TRDMT1: variants seen among roughly 807,000 people sequenced by gnomAD.
TRDMT1 encodes the protein tRNA (cytosine(38)-C(5))-methyltransferase.
TRDMT1 carries 49 observed loss-of-function variants against 51.2 expected under a neutral mutation model. The ratio of observed to expected loss-of-function variants is 0.96; its 90% CI spans 0.76 to 1.21. TRDMT1 has a LOEUF of 1.21. TRDMT1 is among the 50% of genes most tolerant of loss of function. The pLI, the probability that TRDMT1 is intolerant of heterozygous loss-of-function variation, is 0.00. For synonymous variants in TRDMT1, 187 were observed against 164.6 expected (o/e 1.14, Z -1.04); for missense variants, 534 against 462.3 (o/e 1.16, Z -1.42).
intron 6 of TRDMT1, among the ~76,000 whole-genome samples, chr10:17,159,776 C>T (rs1359921432): frequency 6.6e-6 from 1 of 152,040 alleles, no homozygotes; most frequent in Non-Finnish European, 1.5e-5. Context: ...AAGAAACTAA[C>T]AAGAACAATA....
rs778779476 is a variant in TRDMT1, at chr10:17,162,243, G to C, written c.252-6C>G. The C allele has an allele frequency of 1.4e-6, 2 of 1,447,066 alleles. No individual in the cohort carries two copies. The highest frequency in any genetic ancestry group is 2.1e-5 in the African/African-American group (1 of 47,104). 89.6% of individuals were successfully genotyped at this position (1,447,066 alleles called of 1,614,324 possible). On this transcript the variant is annotated splice_region_variant and splice_polypyrimidine_tract_variant and intron_variant, in intron 3 of 10. Coordinates refer to ENST00000377799, the MANE Select transcript of TRDMT1 (RefSeq NM_004412.7). ...TATCACCCTGCCGGCCAATCCTAAA[G>C]GGGTAAAAAAAAAAAAAAACAAAAA...
chr10:17,160,327 T>C lies in TRDMT1; in HGVS notation c.437A>G (p.Glu146Gly), dbSNP rs1733169401. The C allele has an allele frequency of 1.9e-6, 3 of 1,570,460 alleles. No individual in the cohort carries two copies. The highest frequency in any genetic ancestry group is 1.8e-5 in the Admixed American group (1 of 54,438). The change falls in exon 6 of 11, where the codon GAG becomes GGG. Residue 146 changes from glutamate (E) to glycine (G), a missense_variant. Glu to Gly is a moderately conservative substitution (Grantham distance 98). Coordinates refer to ENST00000377799, the MANE Select transcript of TRDMT1 (RefSeq NM_004412.7). ...TACAGAGGTTGGAGATAATAGAAAC[T>C]CTTGGTACTGAAAGCCACAATTTTC... The part of the protein sequence containing the change: ...TIENCGFQYQ[E>G]FLLSPTSLGI...
chr10:17,199,394 G>A (rs1845860473), intron 1 of TRDMT1, among the ~76,000 whole-genome samples: 1 of 152,270 alleles, frequency 6.6e-6, no homozygotes. Flanking sequence ...AAAAGTCTGG[G>A]GTTAGGGAGC....
intron 8 of TRDMT1, 57 bp downstream of exon 8, chr10:17,157,384 T>C (rs1839669752): frequency 4.9e-6 from 7 of 1,427,710 alleles, no homozygotes; most frequent in Non-Finnish European, 5.6e-6. Flanking sequence ...AAAGAAACAA[T>C]AGCTTTAAAA....
chr10:17,145,943 A>G lies in TRDMT1; in HGVS notation c.*3097T>C. The G allele has an allele frequency of 2.0e-6, 2 of 985,290 alleles. No homozygotes were observed. The allele number at this position is 985,290 out of a possible 1,614,324, so 61.0% of individuals were successfully genotyped here. ...CTCCTCAGAAGTCTCCAGCTTAATCACTCTAGACCTCAACTAGGTTGAGAT... is the reference window on the plus strand; with the variant it reads ...CTCCTCAGAAGTCTCCAGCTTAATCGCTCTAGACCTCAACTAGGTTGAGAT... On this transcript the variant is annotated 3_prime_UTR_variant, in exon 11 of 11. Coordinates refer to ENST00000377799, the MANE Select transcript of TRDMT1 (RefSeq NM_004412.7).
At position 17,140,037 on chromosome 10, in the gene TRDMT1, C is replaced by CCTTTT. The variant is rs1554823088; in HGVS notation, c.*9002_*9003insAAAAG. Among the ~76,000 whole-genome samples, 2 of 21,914 alleles carry CCTTTT rather than the reference C, an allele frequency of 9.1e-5. No individual in the cohort carries two copies. Among genetic ancestry groups the CCTTTT allele is most frequent in the Non-Finnish European group, 1.7e-4 (2 of 11,716 alleles). The allele number at this position is 21,914 out of a possible 152,430, so 14.4% of individuals were successfully genotyped here. A position where few individuals can be genotyped will look rare whatever the true frequency, so the allele number is the denominator to read the frequency against. Reference sequence around the variant, plus strand: ...TATTCTTCCAGTAACATCTAGTGTGCTTTTTTTTTTTTTTTTTTTTTTTTT... The same window carrying CCTTTT: ...TATTCTTCCAGTAACATCTAGTGTGCCTTTTTTTTTTTTTTTTTTTTTTTTTTTTT... On this transcript the variant is annotated 3_prime_UTR_variant, in exon 11 of 11. Coordinates refer to ENST00000377799, the MANE Select transcript of TRDMT1 (RefSeq NM_004412.7).
rs751307218 is a variant in TRDMT1 at position 17,153,639 on chromosome 10, G to C, written c.946-3C>G. Reference sequence around the variant, plus strand: ...AGGGATTTGTAGATATTCTCAACCTGTAAGAAAATACCCAAGATAACTAAA... The same window carrying C: ...AGGGATTTGTAGATATTCTCAACCTCTAAGAAAATACCCAAGATAACTAAA... On this transcript the variant is annotated splice_region_variant and splice_polypyrimidine_tract_variant and intron_variant, in intron 9 of 10. Coordinates refer to ENST00000377799, the MANE Select transcript of TRDMT1 (RefSeq NM_004412.7). The C allele has an allele frequency of 1.9e-6, 3 of 1,565,156 alleles. No individual in the cohort carries two copies. The South Asian group carries it at 3.6e-5, about 19-fold the overall frequency.
At chr10:17,181,006 T>C (rs1843217916) in intron 1 of TRDMT1, among the ~76,000 whole-genome samples, 1 of 152,214 alleles carries the variant, frequency 6.6e-6, no homozygotes, top group Non-Finnish European at 1.5e-5. Flanking sequence ...AGTTATACTA[T>C]CTCTACAAAA....
At chr10:17,186,049 TAATAAATAAATA>T (rs10688504) in intron 1 of TRDMT1, among the ~76,000 whole-genome samples, 200 of 143,076 alleles carry the variant, frequency 1.4e-3, no homozygotes, top group African/African-American at 4.6e-3. Flanking sequence ...ACTTACAGTA[TAATAAATAAATA>T]AATAAATAAA....
At chr10:17,177,713 AACACACACACAC>A (rs372220525) in intron 1 of TRDMT1, among the ~76,000 whole-genome samples, 42 of 147,032 alleles carry the variant, frequency 2.9e-4, no homozygotes, top group Non-Finnish European at 4.9e-4. Context: ...ATAGACAAGA[AACACACACACAC>A]ACACACACAC....
intron 1 of TRDMT1, among the ~76,000 whole-genome samples, chr10:17,188,447 T>C (rs557799536): frequency 1.6e-4 from 12 of 72,980 alleles, no homozygotes; most frequent in Non-Finnish European, 3.3e-4. Flanking sequence ...GACATATTTA[T>C]TGAGCATGAC....
intron 6 of TRDMT1, 107 bp downstream of exon 6, chr10:17,160,198 T>G (rs1840118007): frequency 1.5e-6 from 1 of 658,090 alleles, no homozygotes. Flanking sequence ...AGTTTACCTA[T>G]AATATTATCC....
At chr10:17,165,912 C>T (rs1348838288) in intron 3 of TRDMT1, among the ~76,000 whole-genome samples, 8 of 152,182 alleles carry the variant, frequency 5.3e-5, no homozygotes, top group Non-Finnish European at 7.3e-5. Context: ...AACACTTTTA[C>T]ACTGTTGGTG....
rs543785155 is a variant in TRDMT1 at position 17,192,278 on chromosome 10, G to A, written c.64+9293C>T. On this transcript the variant is annotated intron_variant, in intron 1 of 10. Transcript: ENST00000377799. Reference sequence around the variant, plus strand: ...GAACAAAGCCACCTGTTATTGGGGTGAGGCAGGTTACAAGAGTGGCAAGTT... The same window carrying A: ...GAACAAAGCCACCTGTTATTGGGGTAAGGCAGGTTACAAGAGTGGCAAGTT... Among the ~76,000 whole-genome samples the A allele has an allele frequency of 7.2e-5, 11 of 152,294 alleles. No homozygotes were observed. The East Asian group carries it at 2.1e-3, about 29-fold the overall frequency.
chr10:17,187,272 G>T (rs1252643922), intron 1 of TRDMT1, among the ~76,000 whole-genome samples: 1 of 151,904 alleles, frequency 6.6e-6, no homozygotes, highest in Admixed American at 6.6e-5. Flanking sequence ...AACAAGAAAT[G>T]CACATAATAA....
Position 17,159,202 on chromosome 10 carries a change from ATCG to A in TRDMT1, c.484_486del (p.Arg162del). On this transcript the variant is annotated inframe_deletion, in exon 7 of 11. Transcript: ENST00000377799. Reference sequence around the variant, plus strand: ...GACTGAAGCTTTGCAATAAGAAAATATCGTAGCCTTGAATTTGGAATGCCAAGC... The same window carrying A: ...GACTGAAGCTTTGCAATAAGAAAATATAGCCTTGAATTTGGAATGCCAAGC... The A allele has an allele frequency of 6.2e-7, 1 of 1,603,346 alleles. No individual in the cohort carries two copies. The highest frequency in any genetic ancestry group is 8.5e-7 in the Non-Finnish European group (1 of 1,174,374).
intron 10 of TRDMT1, 156 bp downstream of exon 10, chr10:17,153,351 G>A (rs1839032794): frequency 2.4e-6 from 2 of 822,256 alleles, no homozygotes; most frequent in South Asian, 1.8e-5. Flanking sequence ...AGTTATGAGG[G>A]GAAAGAGGGC....
chr10:17,185,104 T>C (rs2131577640), intron 1 of TRDMT1, among the ~76,000 whole-genome samples: 1 of 152,278 alleles, frequency 6.6e-6, no homozygotes, highest in South Asian at 2.1e-4. Context: ...ATTAAATGAG[T>C]TAATAACTAT....
rs774358073 is a variant in TRDMT1, at chr10:17,157,469, A to G, written c.859T>C (p.Cys287Arg). Residue 287 changes from cysteine to arginine, a missense_variant, in exon 8 of 11, where the codon TGT (cysteine) becomes CGT (arginine). Physicochemically the swap from Cys to Arg is radical, Grantham distance 180. Coordinates refer to ENST00000377799, the MANE Select transcript of TRDMT1 (RefSeq NM_004412.7). ...ALLLDIVQPT[C>R]RRSVCFTKGY... Reference sequence around the variant, plus strand: ...TTGGTAAAGCACACGGACCTTCTACAAGTGGGCTGAACAATGTCTAACAGA... The same window carrying G: ...TTGGTAAAGCACACGGACCTTCTACGAGTGGGCTGAACAATGTCTAACAGA... 5 of 1,611,154 alleles carry G rather than the reference A, an allele frequency of 3.1e-6. No homozygotes were observed. The highest frequency in any genetic ancestry group is 1.7e-5 in the Admixed American group (1 of 59,980).
Sources: gnomAD v4.1 joint callset for allele counts (sites outside exome capture counted in the v4.1 genomes callset) on GRCh38, gnomAD v4.1.1 for gene constraint, MANE v1.5 for transcripts, NCBI Gene and HGNC (gene_info 2026-07-23, HGNC 2026-07-21) for gene names.